CTIF: variants seen among roughly 807,000 people sequenced by gnomAD.
CTIF encodes cap binding complex dependent translation initiation factor.
A neutral mutation model predicts 66.0 loss-of-function variants in CTIF; 21 were observed. The ratio of observed to expected loss-of-function variants is 0.32; its 90% CI spans 0.23 to 0.46. The LOEUF is 0.46. Ranked by LOEUF, CTIF falls within the 20% of genes least tolerant of loss-of-function variation. CTIF has a pLI of 1.00. For missense variants in CTIF, 739 were observed against 812.7 expected (o/e 0.91, Z 1.10); for synonymous variants, 345 against 326.4 (o/e 1.06, Z -0.62).
chr18:48,838,496 G>A (rs957046297), intron 10 of CTIF, among the ~76,000 whole-genome samples: 2 of 152,048 alleles, frequency 1.3e-5, no homozygotes, highest in Admixed American at 6.6e-5. Context: ...ATTTTTGTCC[G>A]CCCCCCTGAA....
In CTIF at chr18:48,676,595, A is replaced by C. The variant is rs187940475; in HGVS notation, c.507+5851A>C. Among the ~76,000 whole-genome samples the C allele has an allele frequency of 1.3e-3, 198 of 152,248 alleles. 1 individual carries two copies. Among genetic ancestry groups the C allele is most frequent in the African/African-American group, 4.5e-3 (187 of 41,582 alleles). On this transcript the variant is annotated intron_variant, in intron 6 of 11. Transcript: ENST00000256413. ...TTGCTGTGAAAGGGGCTTAGTGCCC[A>C]CACAACAGTGGACGCCACCCGGTCA...
chr18:48,797,504 GC>G (rs2067953027), intron 9 of CTIF, among the ~76,000 whole-genome samples: 1 of 145,890 alleles, frequency 6.9e-6, no homozygotes, highest in Non-Finnish European at 1.5e-5. Flanking sequence ...GGGTGGGGGG[GC>G]AAGTTTCTGA....
In CTIF at chr18:48,711,673, C is replaced by T. The variant is rs2092224876; in HGVS notation, c.562C>T (p.Arg188Cys). ...GATCGCACACACCAAGAAGCTGTTC[C>T]GCAGGAGGAGAAATGATCGAAGGTA... ...VEIAHTKKLF[R>C]RRRNDRRRQQ... The change falls in exon 7 of 12, where the codon CGC (arginine) becomes TGC (cysteine). Residue 188 changes from arginine (R) to cysteine (C), a missense_variant. Physicochemically the swap from Arg to Cys is radical, Grantham distance 180. Transcript: ENST00000256413. 8.7e-6 allele frequency: 14 copies of T among 1,614,018 alleles called. No individual in the cohort carries two copies. Among genetic ancestry groups the T allele is most frequent in the Non-Finnish European group, 1.2e-5 (14 of 1,179,962 alleles).
intron 6 of CTIF, among the ~76,000 whole-genome samples, chr18:48,691,537 C>T (rs549591899): frequency 1.3e-5 from 2 of 152,302 alleles, no homozygotes; most frequent in African/African-American, 4.8e-5. Flanking sequence ...CTCTTTGCCA[C>T]CTGCACCAGA....
chr18:48,611,312 G>C (rs987413762), intron 1 of CTIF, among the ~76,000 whole-genome samples: 1 of 152,248 alleles, frequency 6.6e-6, no homozygotes, highest in African/African-American at 2.4e-5. Flanking sequence ...CTGGCCCTGA[G>C]AGTCCAGTGT....
chr18:48,658,429 G>A (rs897694875), intron 3 of CTIF, among the ~76,000 whole-genome samples: 3 of 151,920 alleles, frequency 2.0e-5, no homozygotes, highest in Non-Finnish European at 4.4e-5. Context: ...TGTTTGGTGT[G>A]TATATGGGTG....
intron 9 of CTIF, among the ~76,000 whole-genome samples, chr18:48,813,519 G>A (rs770635942): frequency 1.3e-5 from 2 of 152,214 alleles, no homozygotes; most frequent in Non-Finnish European, 2.9e-5. Flanking sequence ...TTTGCTGTGC[G>A]CATCAGCCTT....
intron 1 of CTIF, among the ~76,000 whole-genome samples, chr18:48,563,716 C>A (rs550236063): frequency 3.3e-5 from 5 of 152,250 alleles, no homozygotes; most frequent in Non-Finnish European, 5.9e-5. Context: ...AGGTGATCTG[C>A]CTGCCTCAGC....
intron 7 of CTIF, among the ~76,000 whole-genome samples, chr18:48,751,501 C>A (rs181982424): frequency 1.3e-5 from 2 of 152,240 alleles, no homozygotes; most frequent in East Asian, 3.8e-4. Flanking sequence ...GCTACCTCCC[C>A]TCCCCAGACC....
intron 7 of CTIF, among the ~76,000 whole-genome samples, chr18:48,739,857 C>T (rs1019164579): frequency 1.1e-4 from 17 of 152,332 alleles, no homozygotes; most frequent in Middle Eastern, 3.4e-3. Flanking sequence ...TCCTCTCCCT[C>T]CCGTCTTCCT....
At chr18:48,753,651 A>G (rs1478975736) in intron 7 of CTIF, among the ~76,000 whole-genome samples, 1 of 152,180 alleles carries the variant, frequency 6.6e-6, no homozygotes, top group African/African-American at 2.4e-5. Context: ...CAGTAGCACA[A>G]ATGGAATATT....
At chr18:48,669,212 G>A (rs1239612532) in intron 5 of CTIF, among the ~76,000 whole-genome samples, 1 of 151,950 alleles carries the variant, frequency 6.6e-6, no homozygotes, top group East Asian at 1.9e-4. Flanking sequence ...GGTTCACAAG[G>A]CCCAAAACAG....
intron 9 of CTIF, among the ~76,000 whole-genome samples, chr18:48,774,568 G>A (rs995174155): frequency 6.6e-6 from 1 of 152,110 alleles, no homozygotes; most frequent in African/African-American, 2.4e-5. Context: ...AGTGAGAGAA[G>A]CTTCAGGCCA....
At chr18:48,551,822 G>C (rs939014222) in intron 1 of CTIF, among the ~76,000 whole-genome samples, 4 of 151,810 alleles carry the variant, frequency 2.6e-5, no homozygotes, top group Non-Finnish European at 5.9e-5. Flanking sequence ...TTTGGAGACG[G>C]AGTCTTACTC....
intron 6 of CTIF, among the ~76,000 whole-genome samples, chr18:48,709,162 C>T (rs1027758210): frequency 6.6e-6 from 1 of 152,236 alleles, no homozygotes; most frequent in African/African-American, 2.4e-5. Flanking sequence ...GAGGTTAGGT[C>T]ATCTGCTCAA....
intron 10 of CTIF, among the ~76,000 whole-genome samples, chr18:48,837,940 G>A (rs542459985): frequency 6.6e-6 from 1 of 152,328 alleles, no homozygotes; most frequent in South Asian, 2.1e-4. Context: ...GAGTGGGGCT[G>A]TCTCTGGAAC....
At chr18:48,654,687 C>T (rs550752881) in intron 3 of CTIF, among the ~76,000 whole-genome samples, 39 of 152,234 alleles carry the variant, frequency 2.6e-4, no homozygotes, top group Middle Eastern at 3.4e-3. Flanking sequence ...ATGTTTGTTG[C>T]GGCACTATTC....
intron 3 of CTIF, among the ~76,000 whole-genome samples, chr18:48,651,798 C>A (rs2091159957): frequency 6.6e-6 from 1 of 152,186 alleles, no homozygotes; most frequent in Non-Finnish European, 1.5e-5. Context: ...AATTAGCACT[C>A]AGGATTAAGA....
rs555367979 is a variant in CTIF at position 48,552,761 on chromosome 18, A to G, written c.-29+13449A>G. On this transcript the variant is annotated intron_variant, in intron 1 of 11. Transcript: ENST00000256413. ...TTTTACCCCAGGCCACACAGCTAAG[A>G]AGTGGCATAACCAGTTTTGCTCAAG... Among the ~76,000 whole-genome samples the G allele has an allele frequency of 2.0e-5, 3 of 152,294 alleles. No individual in the cohort carries two copies. The East Asian group carries it at 5.8e-4, about 29-fold the overall frequency.
Sources: allele counts gnomAD v4.1 joint callset (sites outside exome capture counted in the v4.1 genomes callset), GRCh38; gene constraint gnomAD v4.1.1; transcripts MANE v1.5; gene names NCBI Gene and HGNC (gene_info 2026-07-23, HGNC 2026-07-21).